The following NAMPT variants were observed in gnomAD, a reference collection of about 807,000 sequenced individuals.
NAMPT encodes the protein NAmPRTase.
Under a neutral mutation model 58.7 loss-of-function variants are expected in NAMPT, and 7 were observed. The observed-to-expected ratio is 0.12, with a 90% CI of 0.07 to 0.22. NAMPT has a LOEUF of 0.22. Among genes scored for constraint, NAMPT ranks in the 10% least tolerant of loss-of-function variants. The probability of loss-of-function intolerance (pLI) is 1.00; values close to 1 mark genes in which losing one functional copy is unlikely to be tolerated. For synonymous variants in NAMPT, 145 were observed against 198.1 expected (o/e 0.73, Z 2.25); for missense variants, 271 against 567.9 (o/e 0.48, Z 5.31).
intron 1 of NAMPT, 132 bp downstream of exon 1, chr7:106,284,696 G>C: frequency 1.2e-5 from 12 of 971,212 alleles, no homozygotes; most frequent in Middle Eastern, 4.3e-4. Context: ...CGCCTCCCCC[G>C]GGCCTCCCCG....
chr7:106,273,117 A>G (rs1324773094), intron 3 of NAMPT, among the ~76,000 whole-genome samples: 1 of 152,260 alleles, frequency 6.6e-6, no homozygotes, highest in Non-Finnish European at 1.5e-5. Context: ...AAAAGAAAAC[A>G]AAACGAGAGA....
chr7:106,285,634 G>T, upstream of NAMPT: 1 of 985,270 alleles, frequency 1.0e-6, no homozygotes, highest in Non-Finnish European at 1.2e-6. Context: ...GATCCCAGGA[G>T]CTGCGGTGAG....
chr7:106,262,476 A>G (rs1792323536), intron 7 of NAMPT, among the ~76,000 whole-genome samples: 1 of 152,150 alleles, frequency 6.6e-6, no homozygotes. Flanking sequence ...TAACAGTAAA[A>G]ACATGAAACC....
At chr7:106,273,161 C>T (rs879713128) in intron 3 of NAMPT, among the ~76,000 whole-genome samples, 3 of 152,132 alleles carry the variant, frequency 2.0e-5, no homozygotes, top group South Asian at 2.1e-4. Context: ...GCAGAAGAAC[C>T]GAAATAGGTT....
At chr7:106,271,415 C>G (rs1025704512) in intron 4 of NAMPT, among the ~76,000 whole-genome samples, 2 of 152,144 alleles carry the variant, frequency 1.3e-5, no homozygotes, top group Admixed American at 1.3e-4. Flanking sequence ...GTGGTTAGTT[C>G]AGAATGAATT....
chr7:106,285,054 G>T, upstream of NAMPT: 1 of 1,356,926 alleles, frequency 7.4e-7, no homozygotes, highest in Admixed American at 2.8e-5. Context: ...GCGGGCCCGG[G>T]AGCCGTGACG....
chr7:106,270,584 C>T (rs545962356), intron 4 of NAMPT, among the ~76,000 whole-genome samples: 30 of 152,236 alleles, frequency 2.0e-4, no homozygotes, highest in African/African-American at 5.8e-4. Context: ...TCGCTTTTGA[C>T]GAACAGAATG....
chr7:106,259,728 A>G (rs542280248), intron 8 of NAMPT, among the ~76,000 whole-genome samples: 1 of 152,108 alleles, frequency 6.6e-6, no homozygotes, highest in African/African-American at 2.4e-5. Context: ...GGCCAAGAAT[A>G]TATTTCCTAA....
chr7:106,264,260 A>G (rs1438073505), intron 6 of NAMPT, among the ~76,000 whole-genome samples: 2 of 152,090 alleles, frequency 1.3e-5, no homozygotes, highest in Non-Finnish European at 2.9e-5. Context: ...TAAGAATTCA[A>G]ATACTTAGTT....
chr7:106,259,878 C>T (rs867249047), intron 8 of NAMPT, among the ~76,000 whole-genome samples: 10 of 132,828 alleles, frequency 7.5e-5, no homozygotes, highest in Non-Finnish European at 1.3e-4. Flanking sequence ...TCGAAACAAT[C>T]TTTTTTTTTT....
intron 3 of NAMPT, 40 bp from the exon 4 acceptor site, chr7:106,272,698 G>T: frequency 6.2e-7 from 1 of 1,604,068 alleles, no homozygotes; most frequent in South Asian, 1.1e-5. Flanking sequence ...TTCAACAGAT[G>T]ATACTCAATT....
At chr7:106,280,276 GAATT>G (rs1488259555) in intron 1 of NAMPT, among the ~76,000 whole-genome samples, 1 of 151,940 alleles carries the variant, frequency 6.6e-6, no homozygotes, top group South Asian at 2.1e-4. Context: ...TGAGGGAGAA[GAATT>G]AATACCTCCC....
intron 1 of NAMPT, among the ~76,000 whole-genome samples, chr7:106,279,944 A>G (rs919758824): frequency 2.0e-5 from 3 of 152,128 alleles, no homozygotes; most frequent in South Asian, 2.1e-4. Flanking sequence ...TAGGTACTTA[A>G]AAGTATGGGG....
chr7:106,258,676 A>G (rs1792251173), intron 8 of NAMPT, among the ~76,000 whole-genome samples: 2 of 152,250 alleles, frequency 1.3e-5, no homozygotes, highest in South Asian at 4.1e-4. Flanking sequence ...TTTATACTAC[A>G]TTGTAGTCTA....
intron 4 of NAMPT, among the ~76,000 whole-genome samples, chr7:106,271,178 G>A (rs948287142): frequency 6.6e-6 from 1 of 151,978 alleles, no homozygotes; most frequent in African/African-American, 2.4e-5. Flanking sequence ...GATTCATACA[G>A]AATTTGAGAA....
In NAMPT at chr7:106,269,140, T is replaced by C. The variant is rs1792482360; in HGVS notation, c.606+14A>G. On this transcript the variant is annotated intron_variant, in intron 5 of 10. Coordinates refer to ENST00000222553, the MANE Select transcript of NAMPT (RefSeq NM_005746.3). ...TCCACATTATATTAAATGAGGTTGG[T>C]TTCAGTTACTTACCTCTTGGGAAGA... 1 of 1,602,978 alleles carries C rather than the reference T, an allele frequency of 6.2e-7. No individual in the cohort carries two copies. The highest frequency in any genetic ancestry group is 1.7e-5 in the Admixed American group (1 of 57,588).
intron 1 of NAMPT, among the ~76,000 whole-genome samples, chr7:106,283,528 T>C (rs975085389): frequency 2.0e-5 from 3 of 152,208 alleles, no homozygotes; most frequent in Non-Finnish European, 4.4e-5. Context: ...AATCACTATT[T>C]AAAATTTTGA....
intron 4 of NAMPT, among the ~76,000 whole-genome samples, chr7:106,270,626 A>G (rs1056710509): frequency 1.3e-5 from 2 of 152,174 alleles, no homozygotes; most frequent in African/African-American, 4.8e-5. Flanking sequence ...CCCAAGCCCC[A>G]GTTTCAAGAG....
chr7:106,260,703 A>C (rs1327596982), intron 8 of NAMPT, among the ~76,000 whole-genome samples: 1 of 152,198 alleles, frequency 6.6e-6, no homozygotes, highest in East Asian at 1.9e-4. Context: ...ATTCACTTGA[A>C]TACTCAGAGG....
Sources: allele counts gnomAD v4.1 joint callset (sites outside exome capture counted in the v4.1 genomes callset), GRCh38; gene constraint gnomAD v4.1.1; transcripts MANE v1.5; gene names NCBI Gene and HGNC (gene_info 2026-07-23, HGNC 2026-07-21).